The following SLC22A4 variants were observed in gnomAD, a reference collection of about 807,000 sequenced individuals.
SLC22A4 encodes the protein solute carrier family 22 member 4, also known as ET transporter.
SLC22A4 carries 39 observed loss-of-function variants against 56.6 expected under a neutral mutation model. The ratio of observed to expected loss-of-function variants is 0.69; its 90% CI spans 0.53 to 0.90. The LOEUF is 0.90. SLC22A4 is among the 40% of genes least tolerant of loss of function. SLC22A4 has a pLI of 0.00. For synonymous variants in SLC22A4, 241 were observed against 281.4 expected, an observed-to-expected ratio of 0.86 and a Z score of 1.44; for missense variants, 594 against 696.5, an observed-to-expected ratio of 0.85 and a Z score of 1.66.
intron 3 of SLC22A4, among the ~76,000 whole-genome samples, chr5:132,318,472 G>A (rs150309374): frequency 9.5e-4 from 144 of 152,204 alleles, no homozygotes; most frequent in East Asian, 2.9e-3. Flanking sequence ...CCTGGGTCTC[G>A]CCTCATATCC....
intron 1 of SLC22A4, among the ~76,000 whole-genome samples, chr5:132,303,373 C>A (rs1749950480): frequency 6.6e-6 from 1 of 152,156 alleles, no homozygotes; most frequent in African/African-American, 2.4e-5. Context: ...GTCGACTATA[C>A]CTTGGCAAGA....
intron 1 of SLC22A4, among the ~76,000 whole-genome samples, chr5:132,309,348 C>A (rs962855445): frequency 6.6e-6 from 1 of 152,236 alleles, no homozygotes; most frequent in African/African-American, 2.4e-5. Context: ...GCTGCCTTCC[C>A]CTGCTGGTTG....
In SLC22A4 at chr5:132,295,409, G is replaced by T. The variant is rs1413068547; in HGVS notation, c.393+400G>T. 33 of 425,288 alleles carry T rather than the reference G, an allele frequency of 7.8e-5. 1 individual carries two copies. The Admixed American group carries it at 9.3e-4, about 12-fold the overall frequency. 26.3% of individuals were successfully genotyped at this position (425,288 alleles called of 1,614,324 possible). A position where few individuals can be genotyped will look rare whatever the true frequency, so the allele number is the denominator to read the frequency against. On this transcript the variant is annotated intron_variant, in intron 1 of 9. Coordinates refer to ENST00000200652, the MANE Select transcript of SLC22A4 (RefSeq NM_003059.3). ...GGACCTTGTTACTGGGCAGGGCGGG[G>T]CCAAATCTTGTCTGTTCCCTGGCCA...
intron 8 of SLC22A4, among the ~76,000 whole-genome samples, chr5:132,338,599 C>T (rs2126742388): frequency 6.6e-6 from 1 of 152,258 alleles, no homozygotes; most frequent in East Asian, 1.9e-4. Flanking sequence ...CCCAAAGTGG[C>T]CATTTTAGAG....
rs569440761 is a variant in SLC22A4, at chr5:132,319,315, A to G, written c.653-2869A>G. On this transcript the variant is annotated intron_variant, in intron 3 of 9. Coordinates refer to ENST00000200652, the MANE Select transcript of SLC22A4 (RefSeq NM_003059.3). ...CAAGTCTGTCTCAAAAAAAAAAAAA[A>G]AAAGAAAAAAAAGAAAAACTGTAAA... Among the ~76,000 whole-genome samples, 939 of 145,556 alleles carry G rather than the reference A, an allele frequency of 6.5e-3. 6 individuals are homozygous for G. Among genetic ancestry groups the G allele is most frequent in the Middle Eastern group, 0.014 (4 of 288 alleles).
chr5:132,335,071 C>T, intron 7 of SLC22A4, 139 bp downstream of exon 7: 1 of 715,164 alleles, frequency 1.4e-6, no homozygotes, highest in Non-Finnish European at 2.5e-6. Flanking sequence ...TGATTGCTCA[C>T]TACGTATGTT....
In SLC22A4 at chr5:132,312,218, G is replaced by A. The variant is rs375482214; in HGVS notation, c.451G>A (p.Val151Ile). 109 of 1,613,862 alleles carry A rather than the reference G, an allele frequency of 6.8e-5. No homozygotes were observed. Among genetic ancestry groups the A allele is most frequent in the Non-Finnish European group, 8.2e-5 (97 of 1,179,836 alleles). ...GCCCCTCACCACCTCCCTGTTCTTC[G>A]TAGGCGTGCTCCTCGGCTCCTTCGT... ...KVPLTTSLFF[V>I]GVLLGSFVSG... is the part of the protein sequence containing the mutation. The change falls in exon 2 of 10, where the codon GTA (valine) becomes ATA (isoleucine). Residue 151 changes from valine (V) to isoleucine (I), a missense_variant. Physicochemically the swap from Val to Ile is conservative, Grantham distance 29. Coordinates refer to ENST00000200652, the MANE Select transcript of SLC22A4 (RefSeq NM_003059.3).
chr5:132,340,388 C>T (rs370807794), intron 8 of SLC22A4, among the ~76,000 whole-genome samples, 177 bp from the exon 9 acceptor site: 15 of 152,322 alleles, frequency 9.8e-5, no homozygotes, highest in African/African-American at 3.6e-4. Flanking sequence ...GGATTATAGA[C>T]ATGCACAATG....
rs1018752372 is a variant in SLC22A4 at position 132,334,873 on chromosome 5, T to C, written c.1202T>C (p.Ile401Thr). The C allele has an allele frequency of 7.4e-6, 12 of 1,613,914 alleles. No homozygotes were observed. The highest frequency in any genetic ancestry group is 1.3e-5 in the African/African-American group (1 of 74,936). ...CGAACCCTGCCCAGGCGTTATATCA[T>C]AGCTGCAGTACTGTTCTGGGGAGGA... is the stretch of plus-strand genomic sequence containing the variant. ...LLRTLPRRYI[I>T]AAVLFWGGGV... The change falls in exon 7 of 10, where the codon ATA becomes ACA. Residue 401 changes from isoleucine to threonine, a missense_variant. By Grantham distance (89) the Ile-to-Thr change is moderately conservative (BLOSUM62 -1). Coordinates refer to ENST00000200652, the MANE Select transcript of SLC22A4 (RefSeq NM_003059.3).
intron 6 of SLC22A4, 200 bp downstream of exon 6, chr5:132,332,050 A>G (rs1258316949): frequency 3.7e-6 from 2 of 542,708 alleles, no homozygotes; most frequent in Non-Finnish European, 6.7e-6. Context: ...GCAATGGCTT[A>G]CGCCTGTAAT....
Position 132,331,774 on chromosome 5 carries a change from C to T in SLC22A4, c.970C>T (p.Gln324Ter). The stretch of plus-strand genomic sequence containing the variant: ...GTTACAGGAGCTAAATCCCCTGAAG[C>T]AGCAGAAAGCTTTCATTCTGGACCT... ...DSVEELNPLK[Q>*]QKAFILDLFR... is the part of the protein sequence containing the mutation. The change falls in exon 6 of 10, where the codon CAG becomes TAG. Residue 324 changes from glutamine to a stop codon, truncating the protein, a stop_gained. Transcript: ENST00000200652. LOFTEE classifies it high-confidence loss of function. 6.2e-7 allele frequency: 1 copy of T among 1,613,100 alleles called. No individual in the cohort carries two copies. The highest frequency in any genetic ancestry group is 1.1e-5 in the South Asian group (1 of 91,070).
intron 2 of SLC22A4, 150 bp from the exon 3 acceptor site, chr5:132,313,464 C>A: frequency 1.0e-5 from 8 of 769,880 alleles, no homozygotes; most frequent in South Asian, 1.0e-4. Flanking sequence ...TGAGACCTCA[C>A]CAAGGAGGAA....
chr5:132,307,648 T>A (rs1376288273), intron 1 of SLC22A4, among the ~76,000 whole-genome samples: 2 of 152,202 alleles, frequency 1.3e-5, no homozygotes, highest in Non-Finnish European at 1.5e-5. Flanking sequence ...TCCCATCCAA[T>A]GCACACAACA....
At chr5:132,295,640 G>GCTGTAGCC (rs1417688204) in intron 1 of SLC22A4, 2 of 248,096 alleles carry the variant, frequency 8.1e-6, no homozygotes. Context: ...GCAGGCAGGG[G>GCTGTAGCC]CTGTAGCCCC....
At chr5:132,296,153 A>T (rs1749772386) in intron 1 of SLC22A4, among the ~76,000 whole-genome samples, 1 of 152,258 alleles carries the variant, frequency 6.6e-6, no homozygotes, top group Non-Finnish European at 1.5e-5. Context: ...TAGGTGGAGG[A>T]AATACTCCAA....
At chr5:132,299,834 T>TG (rs1349550425) in intron 1 of SLC22A4, among the ~76,000 whole-genome samples, 4 of 152,256 alleles carry the variant, frequency 2.6e-5, no homozygotes, top group African/African-American at 9.6e-5. Flanking sequence ...ACATATACCC[T>TG]TCATCTAGCT....
intron 1 of SLC22A4, among the ~76,000 whole-genome samples, chr5:132,310,894 C>T (rs1004002439): frequency 2.0e-5 from 3 of 152,144 alleles, no homozygotes; most frequent in African/African-American, 7.2e-5. Flanking sequence ...TTTGGAGCCC[C>T]GTCTGGCAAG....
chr5:132,322,422 C>A lies in SLC22A4; in HGVS notation c.824+67C>A, dbSNP rs115925466. 9,007 of 1,483,306 alleles carry A rather than the reference C, an allele frequency of 6.1e-3. 42 individuals carry two copies. The highest frequency in any genetic ancestry group is 0.012 in the East Asian group (509 of 44,172). The allele number at this position is 1,483,306 out of a possible 1,614,324, so 91.9% of individuals were successfully genotyped here. A position where few individuals can be genotyped will look rare whatever the true frequency, so the allele number is the denominator to read the frequency against. On this transcript the variant is annotated intron_variant, in intron 4 of 9. Transcript: ENST00000200652. Reference sequence around the variant, plus strand: ...CAGCACACCTGGAACACACCTGGAGCCTGATGCTGACCTAGCCTGGGCTTG... The same window carrying A: ...CAGCACACCTGGAACACACCTGGAGACTGATGCTGACCTAGCCTGGGCTTG...
chr5:132,313,690 A>G lies in SLC22A4; in HGVS notation c.574A>G (p.Ser192Gly). 6.2e-7 allele frequency: 1 copy of G among 1,614,102 alleles called. No homozygotes were observed. Among genetic ancestry groups the G allele is most frequent in the Non-Finnish European group, 8.5e-7 (1 of 1,179,918 alleles). ...GFSFLQIFSI[S>G]WEMFTVLFVI... is the part of the protein sequence containing the mutation. The stretch of plus-strand genomic sequence containing the variant: ...CAGCTTCCTGCAGATTTTCTCCATC[A>G]GCTGGGAGATGTTCACTGTGTTATT... Residue 192 changes from serine to glycine, a missense_variant, in exon 3 of 10, where the codon AGC becomes GGC. Ser to Gly is a moderately conservative substitution (Grantham distance 56). Coordinates refer to ENST00000200652, the MANE Select transcript of SLC22A4 (RefSeq NM_003059.3).
Sources: gnomAD v4.1 joint callset for allele counts (sites outside exome capture counted in the v4.1 genomes callset) on GRCh38, gnomAD v4.1.1 for gene constraint, MANE v1.5 for transcripts, NCBI Gene and HGNC (gene_info 2026-07-23, HGNC 2026-07-21) for gene names.